The following MSANTD1 variants were observed in gnomAD, a reference collection of about 807,000 sequenced individuals.
MSANTD1 encodes myb/SANT-like DNA-binding domain-containing protein 1.
Under a neutral mutation model 24.2 loss-of-function variants are expected in MSANTD1, and 7 were observed. The observed-to-expected ratio is 0.29, with a 90% CI of 0.16 to 0.54. The LOEUF is 0.54. Among genes scored for constraint, MSANTD1 ranks in the 20% least tolerant of loss-of-function variants. The pLI, the probability that MSANTD1 is intolerant of heterozygous loss-of-function variation, is 0.94. For synonymous variants in MSANTD1, 177 were observed against 181.1 expected, an observed-to-expected ratio of 0.98 and a Z score of 0.18; for missense variants, 384 against 408.2, an observed-to-expected ratio of 0.94 and a Z score of 0.51.
upstream of MSANTD1, chr4:3,244,594 C>G (rs2110314618): frequency 1.3e-5 from 2 of 152,422 alleles, no homozygotes; most frequent in East Asian, 3.9e-4. Flanking sequence ...TCTGCTCAGC[C>G]CAGCGGGGAT....
upstream of MSANTD1, among the ~76,000 whole-genome samples, chr4:3,247,283 G>A (rs889754845): frequency 7.9e-5 from 12 of 152,168 alleles, no homozygotes; most frequent in Non-Finnish European, 1.5e-4. Context: ...TAAGGTCCAT[G>A]CTGAGTCGCT....
At chr4:3,254,316 C>T (rs1459476794) in intron 2 of MSANTD1, among the ~76,000 whole-genome samples, 2 of 152,186 alleles carry the variant, frequency 1.3e-5, no homozygotes, top group African/African-American at 4.8e-5. Flanking sequence ...CCTCTCATGC[C>T]GGGGGCCGCT....
At chr4:3,246,216 G>A (rs1242376960), upstream of MSANTD1, among the ~76,000 whole-genome samples, 1 of 152,162 alleles carries the variant, frequency 6.6e-6, no homozygotes, top group Non-Finnish European at 1.5e-5. Flanking sequence ...GTGGTTCTCT[G>A]CCTTCACCCA....
intron 1 of MSANTD1, among the ~76,000 whole-genome samples, chr4:3,250,039 G>A (rs530050548): frequency 5.3e-5 from 8 of 152,358 alleles, no homozygotes; most frequent in South Asian, 4.1e-4. Context: ...GTGAGAAGGA[G>A]GCTCAGTGCT....
intron 2 of MSANTD1, among the ~76,000 whole-genome samples, chr4:3,254,011 T>G (rs35658829): frequency 0.29 from 44,327 of 151,776 alleles, 7,857 homozygotes; most frequent in Non-Finnish European, 0.37. Flanking sequence ...CTCAGACCCG[T>G]CCCGTGCTGG....
At chr4:3,248,996 G>A (rs968348381), upstream of MSANTD1, 38 of 397,198 alleles carry the variant, frequency 9.6e-5, no homozygotes, top group Admixed American at 1.3e-3. Flanking sequence ...GGCCTGGCCC[G>A]CTCGCCGCAA....
upstream of MSANTD1, chr4:3,246,548 G>A: frequency 3.3e-6 from 2 of 606,272 alleles, no homozygotes; most frequent in East Asian, 5.9e-5. Context: ...TCTGCACCAG[G>A]GACAGCTCCT....
chr4:3,245,795 T>C (rs1031207457), upstream of MSANTD1, among the ~76,000 whole-genome samples: 1 of 152,114 alleles, frequency 6.6e-6, no homozygotes, highest in African/African-American at 2.4e-5. Context: ...CCACATCCTC[T>C]GGGGGGGCCC....
chr4:3,253,153 A>AG (rs1491433633), intron 1 of MSANTD1, 54 bp from the exon 2 acceptor site: 1 of 1,475,134 alleles, frequency 6.8e-7, no homozygotes, highest in Non-Finnish European at 9.0e-7. Flanking sequence ...TGGGCAGGAC[A>AG]GGGGCTGGGC....
chr4:3,249,493 C>T lies in MSANTD1; in HGVS notation c.271C>T (p.Leu91=). 6.2e-7 allele frequency: 1 copy of T among 1,612,024 alleles called. No homozygotes were observed. Among genetic ancestry groups the T allele is most frequent in the Non-Finnish European group, 8.5e-7 (1 of 1,179,672 alleles). The stretch of plus-strand genomic sequence containing the variant: ...CTTCGAGATGACCGGCGAGCGCAGG[C>T]TGGGCGAGGAGATCAAGATCAAGAT... ...KLFEMTGERR[L]GEEIKIKITN... The change falls in exon 1 of 3, where the codon CTG becomes TTG. Residue 91 remains leucine, a synonymous_variant. Coordinates refer to ENST00000438480, the MANE Select transcript of MSANTD1 (RefSeq NM_001042690.2).
At position 3,253,580 on chromosome 4, in the gene MSANTD1, C is replaced by T; in HGVS notation, c.596+98C>T. On this transcript the variant is annotated intron_variant, in intron 2 of 2. Coordinates refer to ENST00000438480, the MANE Select transcript of MSANTD1 (RefSeq NM_001042690.2). Reference sequence around the variant, plus strand: ...GTGGCAAGGCCGGCGGCGGCGGCCACAGTGGTTGCAGAGGCCGTGGCTGCG... The same window carrying T: ...GTGGCAAGGCCGGCGGCGGCGGCCATAGTGGTTGCAGAGGCCGTGGCTGCG... 9.4e-6 allele frequency: 12 copies of T among 1,281,114 alleles called. 1 individual carries two copies. The South Asian group carries it at 1.6e-4, about 17-fold the overall frequency. 79.4% of individuals were successfully genotyped at this position (1,281,114 alleles called of 1,614,324 possible).
chr4:3,249,465 G>C lies in MSANTD1; in HGVS notation c.243G>C (p.Lys81Asn). 6.2e-7 allele frequency: 1 copy of C among 1,611,840 alleles called. No homozygotes were observed. Among genetic ancestry groups the C allele is most frequent in the Non-Finnish European group, 8.5e-7 (1 of 1,179,642 alleles). ...AGGTGTACGAGAAGATGGCCAGCAA[G>C]CTCTTCGAGATGACCGGCGAGCGCA... is the stretch of plus-strand genomic sequence containing the variant. ...NAKVYEKMAS[K>N]LFEMTGERRL... Residue 81 changes from lysine (K) to asparagine (N), a missense_variant, in exon 1 of 3, where the codon AAG becomes AAC. Lys to Asn is a moderately conservative substitution (Grantham distance 94). Coordinates refer to ENST00000438480, the MANE Select transcript of MSANTD1 (RefSeq NM_001042690.2).
upstream of MSANTD1, chr4:3,248,032 C>T (rs1242182402): frequency 1.3e-5 from 2 of 152,374 alleles, no homozygotes; most frequent in Non-Finnish European, 2.9e-5. Flanking sequence ...GCCTGCTGTC[C>T]CTCTGCTGAC....
At chr4:3,249,879 G>T (rs1277656375) in intron 1 of MSANTD1, among the ~76,000 whole-genome samples, 1 of 152,190 alleles carries the variant, frequency 6.6e-6, no homozygotes, top group Non-Finnish European at 1.5e-5. Context: ...TCCCTCGGAG[G>T]CAGCAACACT....
At chr4:3,244,399 C>T (rs1449110890), upstream of MSANTD1, 1 of 152,342 alleles carries the variant, frequency 6.6e-6, no homozygotes, top group Non-Finnish European at 1.5e-5. Context: ...TCACAGGGCC[C>T]ACCACCCTTC....
At chr4:3,248,823 C>T (rs529529180), upstream of MSANTD1, 17 of 171,334 alleles carry the variant, frequency 9.9e-5, no homozygotes, top group East Asian at 1.9e-3. Flanking sequence ...GCCTCCTCGT[C>T]GCTCGTCCTC....
At chr4:3,250,186 C>T (rs971317170) in intron 1 of MSANTD1, among the ~76,000 whole-genome samples, 13 of 152,300 alleles carry the variant, frequency 8.5e-5, no homozygotes, top group Admixed American at 7.2e-4. Flanking sequence ...GTGGGGCTTA[C>T]GGTGCGAAGA....
chr4:3,256,053 G>T lies in MSANTD1; in HGVS notation c.*88G>T. 1 of 1,388,568 alleles carries T rather than the reference G, an allele frequency of 7.2e-7. No homozygotes were observed. Among genetic ancestry groups the T allele is most frequent in the South Asian group, 1.6e-5 (1 of 63,480 alleles). 86.0% of individuals were successfully genotyped at this position (1,388,568 alleles called of 1,614,324 possible). A position where few individuals can be genotyped will look rare whatever the true frequency, so the allele number is the denominator to read the frequency against. ...CAGGCCACTCAGGCCAGGCGGGCAA[G>T]GGGGCCGCCCCGCGAGCGGAGACCG... On this transcript the variant is annotated 3_prime_UTR_variant, in exon 3 of 3. Transcript: ENST00000438480.
chr4:3,255,715 G>T lies in MSANTD1; in HGVS notation c.597-10G>T. ...GGCCAGCACGTCCACAGCCGGCACT[G>T]TCCTTCCAGGTCGGAGGAGCGGCCG... is the stretch of plus-strand genomic sequence containing the variant. On this transcript the variant is annotated splice_polypyrimidine_tract_variant and intron_variant, in intron 2 of 2. Transcript: ENST00000438480. 6.5e-7 allele frequency: 1 copy of T among 1,530,914 alleles called. No individual in the cohort carries two copies. 94.8% of individuals were successfully genotyped at this position (1,530,914 alleles called of 1,614,324 possible).
Sources: allele counts gnomAD v4.1 joint callset (sites outside exome capture counted in the v4.1 genomes callset), GRCh38; gene constraint gnomAD v4.1.1; transcripts MANE v1.5; gene names NCBI Gene and HGNC (gene_info 2026-07-23, HGNC 2026-07-21).